LARGE1: variants seen among roughly 807,000 people sequenced by gnomAD.
LARGE1 encodes the protein xylosyl- and glucuronyltransferase LARGE1.
Under a neutral mutation model 87.6 loss-of-function variants are expected in LARGE1, and 43 were observed. That is an observed-to-expected ratio of 0.49 (90% confidence interval 0.38 to 0.63). LARGE1 has a LOEUF of 0.63. Among genes scored for constraint, LARGE1 ranks in the 30% least tolerant of loss-of-function variants. The probability of loss-of-function intolerance (pLI) is 0.00; values close to 1 mark genes in which losing one functional copy is unlikely to be tolerated. For synonymous variants in LARGE1, 434 were observed against 394.6 expected (o/e 1.10, Z -1.18); for missense variants, 802 against 1,000.2 (o/e 0.80, Z 2.67).
intron 7 of LARGE1, among the ~76,000 whole-genome samples, chr22:33,399,021 G>A (rs2065847606): frequency 1.3e-5 from 2 of 152,238 alleles, no homozygotes; most frequent in Middle Eastern, 3.4e-3. Context: ...ACAACATGCA[G>A]GTTTGTTACA....
intron 11 of LARGE1, among the ~76,000 whole-genome samples, chr22:33,212,782 C>T (rs2146236386): frequency 6.6e-6 from 1 of 152,120 alleles, no homozygotes; most frequent in South Asian, 2.1e-4. Flanking sequence ...CTTTGGGAGG[C>T]CGAGACAGGT....
At chr22:33,281,187 A>T (rs1045858760) in intron 13 of LARGE1, among the ~76,000 whole-genome samples, 3 of 151,994 alleles carry the variant, frequency 2.0e-5, no homozygotes, top group Non-Finnish European at 2.9e-5. Flanking sequence ...AGCAGGCCAC[A>T]CCCCAGCTCT....
chr22:33,143,313 T>C, the LARGE1 span, among the ~76,000 whole-genome samples: 50 of 152,254 alleles, frequency 3.3e-4, no homozygotes, highest in East Asian at 6.8e-3. Flanking sequence ...GATTTAGCTA[T>C]TCTGGTTAAA....
intron 4 of LARGE1, among the ~76,000 whole-genome samples, chr22:33,616,764 C>T (rs150244806): frequency 2.0e-5 from 3 of 152,102 alleles, no homozygotes; most frequent in African/African-American, 7.2e-5. Flanking sequence ...CCAGAACAGG[C>T]AAATCCAAAA....
chr22:33,643,852 A>T (rs2080521091), intron 3 of LARGE1, among the ~76,000 whole-genome samples: 1 of 152,174 alleles, frequency 6.6e-6, no homozygotes, highest in Non-Finnish European at 1.5e-5. Context: ...TCCTCCCAAG[A>T]CTAAACCAGG....
At chr22:33,782,621 C>T (rs2085457728) in intron 1 of LARGE1, among the ~76,000 whole-genome samples, 2 of 152,048 alleles carry the variant, frequency 1.3e-5, no homozygotes, top group Non-Finnish European at 1.5e-5. Context: ...AATCCCAGCA[C>T]TTTGGGAGGC....
intron 5 of LARGE1, among the ~76,000 whole-genome samples, chr22:33,582,638 C>T (rs529560745): frequency 6.6e-6 from 1 of 152,332 alleles, no homozygotes; most frequent in African/African-American, 2.4e-5. Flanking sequence ...TTCCACTGTA[C>T]CTAGGCACCC....
At chr22:33,533,292 C>T (rs969294636) in intron 6 of LARGE1, among the ~76,000 whole-genome samples, 7 of 152,128 alleles carry the variant, frequency 4.6e-5, no homozygotes, top group African/African-American at 1.4e-4. Context: ...ATTTTATTAA[C>T]GTCGTCAGCT....
At chr22:33,259,399 A>G (rs1291079279) in intron 11 of LARGE1, among the ~76,000 whole-genome samples, 3 of 151,782 alleles carry the variant, frequency 2.0e-5, no homozygotes, top group Non-Finnish European at 4.4e-5. Context: ...GACACTTAGG[A>G]AAAAAATTCC....
chr22:33,158,005 CA>C (rs1921922409), downstream of LARGE1, among the ~76,000 whole-genome samples: 1 of 151,630 alleles, frequency 6.6e-6, no homozygotes, highest in Non-Finnish European at 1.5e-5. Flanking sequence ...CAGAACAATG[CA>C]AAATATATTC....
At chr22:33,795,142 A>T (rs2085940762) in intron 1 of LARGE1, among the ~76,000 whole-genome samples, 1 of 152,224 alleles carries the variant, frequency 6.6e-6, no homozygotes, top group African/African-American at 2.4e-5. Flanking sequence ...TAAACTGTGT[A>T]ATCTGGTATA....
intron 11 of LARGE1, among the ~76,000 whole-genome samples, chr22:33,182,483 T>G (rs914786240): frequency 6.6e-6 from 1 of 152,188 alleles, no homozygotes; most frequent in Non-Finnish European, 1.5e-5. Flanking sequence ...AGGGAAAGAA[T>G]AGTCTTTTAA....
At chr22:33,890,286 T>A (rs1310497115) in intron 1 of LARGE1, among the ~76,000 whole-genome samples, 1 of 152,228 alleles carries the variant, frequency 6.6e-6, no homozygotes, top group Non-Finnish European at 1.5e-5. Flanking sequence ...CTCACACTCC[T>A]GTTTATTCCA....
intron 6 of LARGE1, among the ~76,000 whole-genome samples, chr22:33,544,519 T>C (rs1191388936): frequency 6.6e-6 from 1 of 152,020 alleles, no homozygotes; most frequent in Non-Finnish European, 1.5e-5. Flanking sequence ...AAACTCCATC[T>C]CTACTAAAAT....
rs147881140 is a variant in LARGE1 at position 33,694,469 on chromosome 22, T to C, written c.107-43801A>G. Among the ~76,000 whole-genome samples, 21 of 152,322 alleles carry C rather than the reference T, an allele frequency of 1.4e-4. No homozygotes were observed. In the East Asian group the frequency reaches 3.9e-3, roughly 28 times the overall value. On this transcript the variant is annotated intron_variant, in intron 2 of 14. Transcript: ENST00000397394. Reference sequence around the variant, plus strand: ...GGCAGAGACATATCTCTACTGTTGGTTGAATCATTGTGCGCCTACTAATGA... The same window carrying C: ...GGCAGAGACATATCTCTACTGTTGGCTGAATCATTGTGCGCCTACTAATGA...
chr22:33,105,831 A>G, the LARGE1 span: 1 of 152,394 alleles, frequency 6.6e-6, no homozygotes, highest in East Asian at 1.9e-4. Context: ...GTTCTGTGCC[A>G]GTATAAAAGG....
intron 2 of LARGE1, among the ~76,000 whole-genome samples, chr22:33,660,091 T>TGTG (rs1555987502): frequency 0.012 from 487 of 41,622 alleles, 1 homozygote; most frequent in African/African-American, 0.02. Flanking sequence ...TGTGTGTGTG[T>TGTG]TTTTTTTTTT....
At chr22:33,418,388 G>A (rs1601770041) in intron 7 of LARGE1, among the ~76,000 whole-genome samples, 1 of 152,166 alleles carries the variant, frequency 6.6e-6, no homozygotes, top group Middle Eastern at 3.2e-3. Flanking sequence ...AGGTTCCAGG[G>A]CTTAGAGCCT....
chr22:33,170,187 G>T (rs1922488751), intron 11 of LARGE1, among the ~76,000 whole-genome samples: 1 of 151,904 alleles, frequency 6.6e-6, no homozygotes, highest in East Asian at 1.9e-4. Flanking sequence ...TGGCCAACAT[G>T]ATGAATCCCC....
Sources: allele counts gnomAD v4.1 joint callset (sites outside exome capture counted in the v4.1 genomes callset), GRCh38; gene constraint gnomAD v4.1.1; transcripts MANE v1.5; gene names NCBI Gene and HGNC (gene_info 2026-07-23, HGNC 2026-07-21).